CTNND1: variants seen among roughly 807,000 people sequenced by gnomAD.
The protein encoded by CTNND1 is catenin delta 1.
CTNND1 carries 16 observed loss-of-function variants against 112.1 expected under a neutral mutation model. The observed-to-expected ratio is 0.14, with a 90% CI of 0.10 to 0.22. The LOEUF is 0.22. CTNND1 is among the 10% of genes least tolerant of loss of function. The pLI is 1.00. For synonymous variants in CTNND1, 420 were observed against 446.5 expected, an observed-to-expected ratio of 0.94 and a Z score of 0.75; for missense variants, 1,008 against 1,257.0, an observed-to-expected ratio of 0.80 and a Z score of 3.00.
At chr11:57,798,137 A>C (rs745830898) in intron 6 of CTNND1, among the ~76,000 whole-genome samples, 3 of 152,084 alleles carry the variant, frequency 2.0e-5, no homozygotes, top group Admixed American at 6.5e-5. Context: ...TCACGAGGTC[A>C]GGAGATCGAG....
intron 2 of CTNND1, among the ~76,000 whole-genome samples, chr11:57,790,920 C>T (rs2060670984): frequency 6.6e-6 from 1 of 151,952 alleles, no homozygotes; most frequent in Non-Finnish European, 1.5e-5. Flanking sequence ...TTTGCTGCCA[C>T]TTCAGCAGTT....
chr11:57,806,728 T>C, intron 11 of CTNND1, 187 bp from the exon 12 acceptor site: 1 of 634,456 alleles, frequency 1.6e-6, no homozygotes, highest in South Asian at 2.0e-5. Flanking sequence ...ACCTATCTGC[T>C]GCCTGTTTTC....
chr11:57,780,171 A>T (rs756572138), intron 1 of CTNND1, among the ~76,000 whole-genome samples: 14 of 150,196 alleles, frequency 9.3e-5, no homozygotes, highest in Admixed American at 1.4e-4. Context: ...CTCCCACCTC[A>T]GCCTCCCGAG....
At chr11:57,804,525 T>G in intron 8 of CTNND1, 138 bp from the exon 9 acceptor site, 1 of 636,776 alleles carries the variant, frequency 1.6e-6, no homozygotes, top group Non-Finnish European at 2.8e-6. Flanking sequence ...TTCTCTCAAC[T>G]GCAGTACCTT....
At chr11:57,807,326 C>T (rs1431240849) in intron 12 of CTNND1, among the ~76,000 whole-genome samples, 1 of 152,160 alleles carries the variant, frequency 6.6e-6, no homozygotes. Context: ...ACTTTTTAGG[C>T]TGGGCACAGT....
rs145903163 is a variant in CTNND1 at position 57,786,519 on chromosome 11, C to T, written c.-213-2518C>T. Among the ~76,000 whole-genome samples the T allele has an allele frequency of 3.2e-4, 49 of 152,094 alleles. 1 individual carries two copies. The East Asian group carries it at 8.9e-3, about 28-fold the overall frequency. On this transcript the variant is annotated intron_variant, in intron 1 of 20. Transcript: ENST00000399050. ...CAGCACTCCAGCCTGGGCCACTAAG[C>T]GAGACTCCATCTCAAAAAAATAAAT...
intron 16 of CTNND1, among the ~76,000 whole-genome samples, chr11:57,810,975 AAAAG>A (rs2063285286): frequency 6.6e-6 from 1 of 152,032 alleles, no homozygotes; most frequent in Non-Finnish European, 1.5e-5. Flanking sequence ...AAGAAAAAAA[AAAAG>A]ATTTGGTTTA....
Position 57,808,540 on chromosome 11 carries a change from G to A in CTNND1, c.2242G>A (p.Gly748Ser). 6.3e-7 allele frequency: 1 copy of A among 1,592,914 alleles called. No individual in the cohort carries two copies. Among genetic ancestry groups the A allele is most frequent in the Non-Finnish European group, 8.5e-7 (1 of 1,171,744 alleles). ...GGATGCTCGCAACAAAGAATTAATTGGTGAGGAGTTGAATGCTAACTGTTA... is the reference window on the plus strand; with the variant it reads ...GGATGCTCGCAACAAAGAATTAATTAGTGAGGAGTTGAATGCTAACTGTTA... ...AVDARNKELI[G>S]KHAIPNLVKN... Residue 748 changes from glycine to serine, a missense_variant and splice_region_variant, in exon 14 of 21, where the codon GGT becomes AGT. Around this residue, in one of 5 missense-constraint regions of CTNND1, gnomAD observed 254 missense variants for 279.5 expected, o/e 0.91. Coordinates refer to ENST00000399050, the MANE Select transcript of CTNND1 (RefSeq NM_001085458.2).
At chr11:57,803,368 G>A (rs539033310) in intron 7 of CTNND1, among the ~76,000 whole-genome samples, 6 of 152,318 alleles carry the variant, frequency 3.9e-5, no homozygotes, top group South Asian at 2.1e-4. Flanking sequence ...GATTACAGGC[G>A]TGAGCCACCA....
intron 1 of CTNND1, among the ~76,000 whole-genome samples, chr11:57,786,787 C>T (rs1005600509): frequency 1.3e-4 from 20 of 152,034 alleles, no homozygotes; most frequent in African/African-American, 4.8e-4. Context: ...TCTGTTTTCT[C>T]ACTTCTATGT....
chr11:57,785,000 A>T (rs537982413), intron 1 of CTNND1, among the ~76,000 whole-genome samples: 2 of 152,314 alleles, frequency 1.3e-5, no homozygotes, highest in African/African-American at 2.4e-5. Context: ...ATGGAAGCTT[A>T]CAGGGGTTAT....
Position 57,797,076 on chromosome 11 carries a change from T to A in CTNND1, c.956+84T>A. ...TTTTCCTTCAACTTCTAGGGGCTTT[T>A]TGGGATCAGAGATACTCGTGGCCTC... is the stretch of plus-strand genomic sequence containing the variant. On this transcript the variant is annotated intron_variant, in intron 6 of 20. Coordinates refer to ENST00000399050, the MANE Select transcript of CTNND1 (RefSeq NM_001085458.2). 1.6e-6 allele frequency: 2 copies of A among 1,256,218 alleles called. 1 individual carries two copies. Among genetic ancestry groups the A allele is most frequent in the South Asian group, 5.2e-5 (2 of 38,796 alleles). 77.8% of individuals were successfully genotyped at this position (1,256,218 alleles called of 1,614,324 possible). A position where few individuals can be genotyped will look rare whatever the true frequency, so the allele number is the denominator to read the frequency against.
At chr11:57,798,124 G>A (rs1433889099) in intron 6 of CTNND1, among the ~76,000 whole-genome samples, 2 of 151,972 alleles carry the variant, frequency 1.3e-5, no homozygotes, top group Non-Finnish European at 2.9e-5. Context: ...CGAGTTGGGC[G>A]GATCACGAGG....
rs1240035694 is a variant in CTNND1, at chr11:57,809,241, T to A, written c.2243-33T>A. On this transcript the variant is annotated intron_variant, in intron 14 of 20. Coordinates refer to ENST00000399050, the MANE Select transcript of CTNND1 (RefSeq NM_001085458.2). ...TAAGGCTCTTCATGACCTGACTTGA[T>A]CTTTTCTCCCTGCATACATTCTTTC... 6 of 1,548,366 alleles carry A rather than the reference T, an allele frequency of 3.9e-6. No homozygotes were observed. In the African/African-American group the frequency reaches 6.8e-5, roughly 18 times the overall value.
chr11:57,816,198 G>A (rs1392416458), intron 20 of CTNND1, 99 bp from the exon 21 acceptor site: 14 of 1,434,864 alleles, frequency 9.8e-6, no homozygotes, highest in Middle Eastern at 1.7e-4. Context: ...TCTCCGTTAT[G>A]TGCTGCTTTC....
At chr11:57,776,516 A>G (rs557051) in intron 1 of CTNND1, among the ~76,000 whole-genome samples, 141,710 of 152,186 alleles carry the variant, frequency 0.93, 66,804 homozygotes, top group East Asian at 1. Flanking sequence ...GCTTTGGAGA[A>G]AGAGGGGTGT....
chr11:57,792,436 C>T (rs1029794308), intron 3 of CTNND1, among the ~76,000 whole-genome samples: 11 of 152,092 alleles, frequency 7.2e-5, no homozygotes, highest in Non-Finnish European at 1.6e-4. Context: ...TGCGTGTGTG[C>T]GCGCGCACTC....
chr11:57,776,572 T>C (rs1414373142), intron 1 of CTNND1, among the ~76,000 whole-genome samples: 1 of 152,184 alleles, frequency 6.6e-6, no homozygotes, highest in Non-Finnish European at 1.5e-5. Context: ...ACCCATTGAG[T>C]ATTCAGCTTA....
intron 1 of CTNND1, among the ~76,000 whole-genome samples, chr11:57,773,510 G>A (rs980049899): frequency 6.6e-5 from 10 of 150,416 alleles, no homozygotes; most frequent in African/African-American, 2.2e-4. Context: ...GGAGTGCAAT[G>A]GCACGACCTC....
Sources: gnomAD v4.1 joint callset for allele counts (sites outside exome capture counted in the v4.1 genomes callset) on GRCh38, gnomAD v4.1.1 for gene constraint, gnomAD v4.1.1 regional missense constraint, MANE v1.5 for transcripts, NCBI Gene and HGNC (gene_info 2026-07-23, HGNC 2026-07-21) for gene names.